The following DNAH8 variants were observed in gnomAD, a reference collection of about 807,000 sequenced individuals.
The protein encoded by DNAH8 is dynein axonemal heavy chain 8.
DNAH8 carries 382 observed loss-of-function variants against 562.1 expected under a neutral mutation model. That is an observed-to-expected ratio of 0.68 (90% CI 0.63 to 0.74). DNAH8 has a LOEUF of 0.74. DNAH8 is among the 30% of genes least tolerant of loss of function. DNAH8 has a pLI of 0.00. For missense variants in DNAH8, 5,203 were observed against 5,620.4 expected, an observed-to-expected ratio of 0.93 and a Z score of 2.37; for synonymous variants, 1,881 against 1,919.4, an observed-to-expected ratio of 0.98 and a Z score of 0.52.
At chr6:38,984,402 G>C in intron 87 of DNAH8, 95 bp downstream of exon 87, 1 of 752,430 alleles carries the variant, frequency 1.3e-6, no homozygotes. Context: ...CAAGCATACA[G>C]CAGAGCTGCT....
intron 42 of DNAH8, 118 bp downstream of exon 42, chr6:38,857,860 A>G (rs900982544): frequency 3.1e-6 from 2 of 653,176 alleles, no homozygotes; most frequent in African/African-American, 1.8e-5. Context: ...ATAACTGTCC[A>G]TCAATATCGT....
chr6:38,909,801 G>A (rs1487438476), intron 65 of DNAH8, 57 bp downstream of exon 65: 1 of 1,347,110 alleles, frequency 7.4e-7, no homozygotes, highest in Non-Finnish European at 1.1e-6. Flanking sequence ...ATTCCCAAGA[G>A]GAATGCATTG....
At chr6:38,898,007 A>G (rs570781969) in intron 60 of DNAH8, among the ~76,000 whole-genome samples, 36 of 152,358 alleles carry the variant, frequency 2.4e-4, no homozygotes, top group Middle Eastern at 3.4e-3. Flanking sequence ...GTTAATTACT[A>G]TGGATAGGAG....
intron 80 of DNAH8, among the ~76,000 whole-genome samples, chr6:38,948,500 G>A (rs1214654904): frequency 5.9e-5 from 9 of 151,972 alleles, no homozygotes; most frequent in East Asian, 1.9e-4. Context: ...CACCACGCCC[G>A]GCTAATTTTT....
At chr6:38,958,927 C>T (rs535249154) in intron 82 of DNAH8, among the ~76,000 whole-genome samples, 11 of 152,036 alleles carry the variant, frequency 7.2e-5, no homozygotes, top group Admixed American at 2.0e-4. Context: ...AACAGTGCTC[C>T]GAAAGATCAT....
chr6:38,735,127 C>T (rs561919402), intron 5 of DNAH8, among the ~76,000 whole-genome samples: 83 of 152,218 alleles, frequency 5.5e-4, no homozygotes, highest in African/African-American at 1.8e-3. Flanking sequence ...ATCCTTTCTG[C>T]GACTTAGATC....
At position 39,012,291 on chromosome 6, in the gene DNAH8, A is replaced by C; in HGVS notation, c.13448A>C (p.Gln4483Pro). 1.2e-6 allele frequency: 2 copies of C among 1,613,124 alleles called. No individual in the cohort carries two copies. Among genetic ancestry groups the C allele is most frequent in the Non-Finnish European group, 1.7e-6 (2 of 1,179,152 alleles). ...IFLRQEIDRM[Q>P]RVISILRSSL... ...CTTAGACAAGAAATTGACAGAATGC[A>C]AAGAGTCATTTCAATACTCCGCAGT... Residue 4483 changes from glutamine to proline, a missense_variant, in exon 90 of 93, where the codon CAA (glutamine) becomes CCA (proline). This residue lies in a region of DNAH8 where 1,399 missense variants were observed against 1,518.4 expected (regional missense o/e 0.92). Transcript: ENST00000327475.
chr6:38,829,129 T>A (rs1245071810), intron 30 of DNAH8, among the ~76,000 whole-genome samples: 1 of 152,232 alleles, frequency 6.6e-6, no homozygotes, highest in African/African-American at 2.4e-5. Context: ...GTCATTTGTA[T>A]ATCTTATTTG....
intron 60 of DNAH8, among the ~76,000 whole-genome samples, 182 bp downstream of exon 60, chr6:38,896,407 C>T (rs1301685155): frequency 6.6e-6 from 1 of 151,870 alleles, no homozygotes; most frequent in Non-Finnish European, 1.5e-5. Flanking sequence ...GACCCTGTCT[C>T]TATAAAAAAT....
intron 88 of DNAH8, among the ~76,000 whole-genome samples, chr6:38,998,872 A>G (rs1229007594): frequency 3.9e-5 from 6 of 152,190 alleles, no homozygotes; most frequent in Admixed American, 3.9e-4. Flanking sequence ...ATTTATGAGG[A>G]CTGTTCTCCT....
In DNAH8 at chr6:38,938,856, T is replaced by G. The variant is rs1322422411; in HGVS notation, c.11875T>G (p.Tyr3959Asp). 1 of 1,613,124 alleles carries G rather than the reference T, an allele frequency of 6.2e-7. No individual in the cohort carries two copies. Among genetic ancestry groups the G allele is most frequent in the Non-Finnish European group, 8.5e-7 (1 of 1,179,238 alleles). Residue 3959 changes from tyrosine to aspartate, a missense_variant, in exon 79 of 93, where the codon TAT (tyrosine) becomes GAT (aspartate). Physicochemically the swap from Tyr to Asp is radical, Grantham distance 160. This residue lies in a region of DNAH8 where 1,399 missense variants were observed against 1,518.4 expected (regional missense o/e 0.92). Coordinates refer to ENST00000327475, the MANE Select transcript of DNAH8 (RefSeq NM_001206927.2). The stretch of plus-strand genomic sequence containing the variant: ...TACAAATATTATCGAGTACCTGACA[T>G]ATGAAGTTTTTACATACTCTGTCAG... Reference protein sequence around the residue: ...RITNIIEYLTYEVFTYSVRGL... With the variant: ...RITNIIEYLTDEVFTYSVRGL...
At chr6:38,881,962 A>G (rs1018634337) in intron 53 of DNAH8, among the ~76,000 whole-genome samples, 2 of 152,084 alleles carry the variant, frequency 1.3e-5, no homozygotes, top group African/African-American at 4.8e-5. Flanking sequence ...CATCCATTAC[A>G]TTACTGGTTT....
At chr6:39,015,199 A>G (rs1310408320) in intron 91 of DNAH8, among the ~76,000 whole-genome samples, 2 of 152,120 alleles carry the variant, frequency 1.3e-5, no homozygotes, top group Non-Finnish European at 2.9e-5. Context: ...AAACCAAGGG[A>G]GTGGAGTTGG....
Position 38,959,261 on chromosome 6 carries a change from C to G in DNAH8, c.12451+7741C>G, listed in dbSNP as rs368283007. On this transcript the variant is annotated intron_variant, in intron 82 of 92. Transcript: ENST00000327475. ...TTCACCACTTCTGTTCAACATAGTACAGGAAGGTCTAGCTAGAGCAGTTAG... is the reference window on the plus strand; with the variant it reads ...TTCACCACTTCTGTTCAACATAGTAGAGGAAGGTCTAGCTAGAGCAGTTAG... Among the ~76,000 whole-genome samples, 45 of 152,194 alleles carry G rather than the reference C, an allele frequency of 3.0e-4. No homozygotes were observed. In the South Asian group the frequency reaches 8.1e-3, roughly 27 times the overall value.
Position 38,923,976 on chromosome 6 carries a change from G to A in DNAH8, c.10791-15G>A, listed in dbSNP as rs1561868309. 2 of 1,613,572 alleles carry A rather than the reference G, an allele frequency of 1.2e-6. No individual in the cohort carries two copies. Among genetic ancestry groups the A allele is most frequent in the Non-Finnish European group, 1.7e-6 (2 of 1,179,746 alleles). On this transcript the variant is annotated splice_polypyrimidine_tract_variant and intron_variant, in intron 72 of 92. Transcript: ENST00000327475. ...TGACTCACTTTGGGGAGGGGGCTGT[G>A]TGTTTTCTTCACAGACTTGTAGGTG... is the stretch of plus-strand genomic sequence containing the variant.
At chr6:39,000,212 A>G (rs1260549284) in intron 88 of DNAH8, among the ~76,000 whole-genome samples, 3 of 152,224 alleles carry the variant, frequency 2.0e-5, no homozygotes, top group Non-Finnish European at 4.4e-5. Flanking sequence ...CTGTTGGGGA[A>G]GATGATGAAT....
chr6:38,779,126 C>G (rs1411864962), intron 14 of DNAH8, among the ~76,000 whole-genome samples: 1 of 152,134 alleles, frequency 6.6e-6, no homozygotes, highest in Non-Finnish European at 1.5e-5. Flanking sequence ...GGACTAGAAG[C>G]CTTTCCCTTT....
chr6:39,029,838 A>G (rs2150807072), intron 92 of DNAH8, among the ~76,000 whole-genome samples: 1 of 152,282 alleles, frequency 6.6e-6, no homozygotes, highest in African/African-American at 2.4e-5. Context: ...CTACCGGCTA[A>G]GCCTGTTGCT....
At chr6:38,939,770 T>G (rs1783285338) in intron 79 of DNAH8, among the ~76,000 whole-genome samples, 1 of 152,190 alleles carries the variant, frequency 6.6e-6, no homozygotes, top group Admixed American at 6.6e-5. Context: ...ATCTTTTTCT[T>G]GTGTTTTTGG....
Sources: allele counts gnomAD v4.1 joint callset (sites outside exome capture counted in the v4.1 genomes callset), GRCh38; gene constraint gnomAD v4.1.1; regional missense constraint gnomAD v4.1.1; transcripts MANE v1.5; gene names NCBI Gene and HGNC (gene_info 2026-07-23, HGNC 2026-07-21).